RGS6: variants seen among roughly 807,000 people sequenced by gnomAD.
RGS6 encodes the protein regulator of G-protein signaling 6.
A neutral mutation model predicts 78.5 loss-of-function variants in RGS6; 30 were observed. The ratio of observed to expected loss-of-function variants is 0.38; its 90% CI spans 0.29 to 0.52. The LOEUF (loss-of-function observed/expected upper bound fraction) is 0.52. RGS6 is among the 20% of genes least tolerant of loss of function. The pLI is 0.85. For synonymous variants in RGS6, 206 were observed against 206.0 expected, an observed-to-expected ratio of 1.00 and a Z score of 0.00; for missense variants, 495 against 609.7, an observed-to-expected ratio of 0.81 and a Z score of 1.98.
At chr14:71,948,740 CTTTTTTTTT>C (rs71305831) in intron 1 of RGS6, among the ~76,000 whole-genome samples, 8 of 65,180 alleles carry the variant, frequency 1.2e-4, no homozygotes, top group Non-Finnish European at 1.8e-4. Flanking sequence ...CTCTCTCTCT[CTTTTTTTTT>C]TTTTTTTTTT....
chr14:71,927,726 C>T (rs1235298464), upstream of RGS6, among the ~76,000 whole-genome samples: 2 of 150,802 alleles, frequency 1.3e-5, no homozygotes, highest in East Asian at 2.0e-4. Context: ...GGCGCGATCT[C>T]GACTCACTGC....
chr14:72,401,795 A>T (rs2153001628), intron 3 of RGS6, among the ~76,000 whole-genome samples: 1 of 152,334 alleles, frequency 6.6e-6, no homozygotes, highest in East Asian at 1.9e-4. Flanking sequence ...ACACTCAGAA[A>T]AGATTGGAGT....
At chr14:72,318,650 A>T in intron 2 of RGS6, among the ~76,000 whole-genome samples, 1 of 152,346 alleles carries the variant, frequency 6.6e-6, no homozygotes, top group Middle Eastern at 3.4e-3. Flanking sequence ...CAGGTTATAG[A>T]TTTTGACAAA....
At chr14:72,493,027 C>T (rs111323284) in intron 12 of RGS6, among the ~76,000 whole-genome samples, 1 of 152,174 alleles carries the variant, frequency 6.6e-6, no homozygotes, top group African/African-American at 2.4e-5. Flanking sequence ...CTCCAGATCC[C>T]TCATTTGGAG....
intron 2 of RGS6, among the ~76,000 whole-genome samples, chr14:72,176,551 A>T (rs2097107126): frequency 6.6e-6 from 1 of 152,214 alleles, no homozygotes; most frequent in African/African-American, 2.4e-5. Context: ...CTTTGCCCAC[A>T]TATAGGAGAC....
intron 2 of RGS6, among the ~76,000 whole-genome samples, chr14:72,231,114 C>G (rs1004664778): frequency 6.6e-6 from 1 of 152,084 alleles, no homozygotes; most frequent in Non-Finnish European, 1.5e-5. Context: ...GAGATCTTGA[C>G]GTTGCTGTCG....
the RGS6 span, among the ~76,000 whole-genome samples, chr14:72,573,088 T>A: frequency 5.2e-4 from 79 of 152,238 alleles, 2 homozygotes; most frequent in South Asian, 0.015. Context: ...AAAGACAGGA[T>A]CAGGAGATGC....
chr14:72,615,467 G>C, the RGS6 span, among the ~76,000 whole-genome samples: 1 of 152,194 alleles, frequency 6.6e-6, no homozygotes, highest in African/African-American at 2.4e-5. Context: ...TGTATTCAAA[G>C]CACGAATACA....
intron 3 of RGS6, among the ~76,000 whole-genome samples, chr14:72,449,595 C>A (rs9989171): frequency 0.68 from 104,007 of 152,056 alleles, 36,165 homozygotes; most frequent in East Asian, 0.98. Flanking sequence ...TACTCAACAG[C>A]GTTAATTCAG....
In RGS6 at chr14:72,465,829, A is replaced by C. The variant is rs1370813515; in HGVS notation, c.459+7A>C. The C allele has an allele frequency of 1.2e-6, 2 of 1,608,276 alleles. No individual in the cohort carries two copies. Among genetic ancestry groups the C allele is most frequent in the Admixed American group, 3.3e-5 (2 of 60,020 alleles). On this transcript the variant is annotated splice_region_variant and intron_variant, in intron 7 of 17. Coordinates refer to ENST00000553525, the MANE Select transcript of RGS6 (RefSeq NM_001204424.2). ...ACTGGCAGATTATGAAGCAGTAAGT[A>C]TGATTATTTTCCAGGATACATATAA...
intron 17 of RGS6, chr14:72,540,729 A>C (rs1346649683): frequency 6.1e-6 from 8 of 1,313,850 alleles, no homozygotes; most frequent in Non-Finnish European, 8.0e-6. Flanking sequence ...AAGTAGCTGA[A>C]TCCCTGCGGT....
chr14:72,161,731 A>G (rs548738957), intron 2 of RGS6, among the ~76,000 whole-genome samples: 2 of 152,226 alleles, frequency 1.3e-5, no homozygotes, highest in South Asian at 2.1e-4. Context: ...GTGGAGTAAC[A>G]ATGCCTTTCA....
At chr14:72,146,045 T>G (rs1328501336) in intron 2 of RGS6, among the ~76,000 whole-genome samples, 1 of 152,158 alleles carries the variant, frequency 6.6e-6, no homozygotes, top group Non-Finnish European at 1.5e-5. Flanking sequence ...AAGTCCAAAG[T>G]TAATGGGCTG....
In RGS6 at chr14:72,555,851, C is replaced by CCAT. The variant is rs1215764360; in HGVS notation, c.1423-6563_1423-6561dup. ...AGACACACAATAGTTGCTCAATGGT[C>CCAT]CATCAGCAGGTGGCTGTTTGTTAGT... is the stretch of plus-strand genomic sequence containing the variant. On this transcript the variant is annotated intron_variant, in intron 17 of 17. Transcript: ENST00000553525. Among the ~76,000 whole-genome samples, 3 of 152,232 alleles carry CCAT rather than the reference C, an allele frequency of 2.0e-5. 1 individual carries two copies. The highest frequency in any genetic ancestry group is 4.8e-5 in the African/African-American group (2 of 41,458).
At chr14:72,323,637 A>G (rs1206483233) in intron 2 of RGS6, among the ~76,000 whole-genome samples, 1 of 151,512 alleles carries the variant, frequency 6.6e-6, no homozygotes, top group East Asian at 1.9e-4. Context: ...CCCTGTCTCT[A>G]CTAAATATAC....
At chr14:72,176,293 G>T (rs1463495050) in intron 2 of RGS6, among the ~76,000 whole-genome samples, 3 of 152,172 alleles carry the variant, frequency 2.0e-5, no homozygotes, top group Non-Finnish European at 4.4e-5. Context: ...ACCCCTCATT[G>T]GGGGAGATGA....
intron 2 of RGS6, among the ~76,000 whole-genome samples, chr14:72,098,456 G>A (rs889775923): frequency 2.0e-5 from 3 of 152,194 alleles, no homozygotes; most frequent in Non-Finnish European, 4.4e-5. Flanking sequence ...GGGGGCATTT[G>A]TTCTTTTGAC....
At chr14:72,506,984 T>TAAAAAAAAAAAAAAAA (rs71109738) in intron 13 of RGS6, among the ~76,000 whole-genome samples, 3 of 54,388 alleles carry the variant, frequency 5.5e-5, no homozygotes, top group African/African-American at 1.4e-4. Context: ...CTGTCTCTAC[T>TAAAAAAAAAAAAAAAA]AAAAAAAAAA....
chr14:71,912,931 T>G, the RGS6 span, among the ~76,000 whole-genome samples: 1 of 152,064 alleles, frequency 6.6e-6, no homozygotes, highest in Admixed American at 6.6e-5. Context: ...GTTCATGCCA[T>G]TCTCCTGCCT....
Sources: gnomAD v4.1 joint callset for allele counts (sites outside exome capture counted in the v4.1 genomes callset) on GRCh38, gnomAD v4.1.1 for gene constraint, MANE v1.5 for transcripts, NCBI Gene and HGNC (gene_info 2026-07-23, HGNC 2026-07-21) for gene names.